The following MLLT3 variants were observed in gnomAD, a reference collection of about 807,000 sequenced individuals.
MLLT3 encodes the protein MLLT3 super elongation complex subunit, also known as protein AF-9.
MLLT3 carries 4 observed loss-of-function variants against 53.2 expected under a neutral mutation model. The ratio of observed to expected loss-of-function variants is 0.08; its 90% CI spans 0.04 to 0.17. MLLT3 has a LOEUF of 0.17. Ranked by LOEUF, MLLT3 falls within the 10% of genes least tolerant of loss-of-function variation. MLLT3 has a pLI of 1.00. For missense variants in MLLT3, 569 were observed against 684.0 expected, an observed-to-expected ratio of 0.83 and a Z score of 1.87; for synonymous variants, 283 against 230.6, an observed-to-expected ratio of 1.23 and a Z score of -2.06.
At chr9:20,444,115 A>T (rs2118839752) in intron 4 of MLLT3, among the ~76,000 whole-genome samples, 1 of 152,284 alleles carries the variant, frequency 6.6e-6, no homozygotes, top group Non-Finnish European at 1.5e-5. Flanking sequence ...TAGATGACAA[A>T]CTCTTCTGCA....
chr9:20,363,442 T>C (rs1303483280), intron 7 of MLLT3, 34 bp downstream of exon 7: 2 of 1,610,670 alleles, frequency 1.2e-6, no homozygotes, highest in Non-Finnish European at 1.7e-6. Flanking sequence ...TCTGACTTCA[T>C]CACAGGCAAC....
chr9:20,616,993 A>G (rs890495222), intron 2 of MLLT3, among the ~76,000 whole-genome samples: 1 of 152,208 alleles, frequency 6.6e-6, no homozygotes, highest in African/African-American at 2.4e-5. Context: ...ACAGAATATG[A>G]GATTTCCACC....
intron 2 of MLLT3, among the ~76,000 whole-genome samples, chr9:20,557,072 G>A (rs1456550357): frequency 6.6e-6 from 1 of 152,080 alleles, no homozygotes; most frequent in African/African-American, 2.4e-5. Flanking sequence ...TCCTCGGTTT[G>A]CACCTGCAGT....
intron 2 of MLLT3, among the ~76,000 whole-genome samples, chr9:20,462,042 T>C (rs925676292): frequency 1.3e-5 from 2 of 152,142 alleles, no homozygotes; most frequent in Non-Finnish European, 2.9e-5. Context: ...GTTCAGCCCA[T>C]CTCTCCGCAC....
chr9:20,412,928 C>A (rs1354443775), intron 5 of MLLT3, among the ~76,000 whole-genome samples: 1 of 152,154 alleles, frequency 6.6e-6, no homozygotes, highest in Non-Finnish European at 1.5e-5. Context: ...CCTTCCACTG[C>A]TGAAAATCTG....
At chr9:20,431,765 C>G (rs554663857) in intron 4 of MLLT3, among the ~76,000 whole-genome samples, 33 of 152,024 alleles carry the variant, frequency 2.2e-4, no homozygotes, top group Non-Finnish European at 1.3e-4. Flanking sequence ...AATGAATACA[C>G]AACTCATGAT....
chr9:20,435,574 G>C lies in MLLT3; in HGVS notation c.420+12549C>G, dbSNP rs968658035. On this transcript the variant is annotated intron_variant, in intron 4 of 10. Coordinates refer to ENST00000380338, the MANE Select transcript of MLLT3 (RefSeq NM_004529.4). ...GTCCTCCAGATAAGGCAAGCACTAA[G>C]CTAAAAAATGCCTCTTGGAAGGACA... Among the ~76,000 whole-genome samples, 3 of 152,190 alleles carry C rather than the reference G, an allele frequency of 2.0e-5. No homozygotes were observed. In the South Asian group the frequency reaches 6.2e-4, roughly 32 times the overall value.
intron 5 of MLLT3, among the ~76,000 whole-genome samples, chr9:20,390,690 T>C (rs576151011): frequency 1.3e-5 from 2 of 152,192 alleles, no homozygotes; most frequent in Non-Finnish European, 2.9e-5. Flanking sequence ...AACTACAACT[T>C]CTCCAAAATA....
chr9:20,562,033 T>C (rs1819229358), intron 2 of MLLT3, among the ~76,000 whole-genome samples: 2 of 152,054 alleles, frequency 1.3e-5, no homozygotes, highest in Admixed American at 1.3e-4. Flanking sequence ...TCAGACACAA[T>C]AATTTAAATA....
intron 2 of MLLT3, among the ~76,000 whole-genome samples, chr9:20,558,816 T>C (rs919847518): frequency 6.6e-6 from 1 of 152,230 alleles, no homozygotes; most frequent in African/African-American, 2.4e-5. Context: ...TTGGCATCAT[T>C]TGCATCAGCA....
chr9:20,395,201 CT>C (rs1198818069), intron 5 of MLLT3, among the ~76,000 whole-genome samples: 1 of 152,174 alleles, frequency 6.6e-6, no homozygotes, highest in Non-Finnish European at 1.5e-5. Context: ...CTGACATCTG[CT>C]TAATCTTCTC....
chr9:20,437,146 A>T (rs1823426690), intron 4 of MLLT3, among the ~76,000 whole-genome samples: 1 of 152,162 alleles, frequency 6.6e-6, no homozygotes, highest in Non-Finnish European at 1.5e-5. Flanking sequence ...CAGTATGCAG[A>T]AAATTGAGCA....
At chr9:20,385,117 C>G (rs1254007268) in intron 5 of MLLT3, among the ~76,000 whole-genome samples, 1 of 152,020 alleles carries the variant, frequency 6.6e-6, no homozygotes, top group Non-Finnish European at 1.5e-5. Context: ...AATCTCTAAC[C>G]GATTAACATA....
chr9:20,533,078 TA>T, intron 2 of MLLT3: 1 of 249,812 alleles, frequency 4.0e-6, no homozygotes, highest in Non-Finnish European at 7.9e-6. Context: ...CCCTGTGTCG[TA>T]AAATGGGGGT....
Position 20,516,060 on chromosome 9 carries a change from G to T in MLLT3, c.194-59274C>A, listed in dbSNP as rs186430751. Among the ~76,000 whole-genome samples the T allele has an allele frequency of 1.7e-3, 262 of 152,246 alleles. 1 individual carries two copies. The highest frequency in any genetic ancestry group is 3.4e-3 in the Middle Eastern group (1 of 294). ...CAGAAGCAAAGCCAGTTAAGTAAGA[G>T]ATATCTAGATGTCAGCCATAAACCC... is the stretch of plus-strand genomic sequence containing the variant. On this transcript the variant is annotated intron_variant, in intron 2 of 10. Transcript: ENST00000380338.
chr9:20,367,420 C>G (rs1367937006), intron 5 of MLLT3, among the ~76,000 whole-genome samples: 1 of 152,168 alleles, frequency 6.6e-6, no homozygotes, highest in Non-Finnish European at 1.5e-5. Flanking sequence ...TCCTCTTGTA[C>G]TTAGCATAAT....
rs775827272 is a variant in MLLT3, at chr9:20,346,581, G to A, written c.1576-7C>T. The A allele has an allele frequency of 7.5e-6, 12 of 1,609,842 alleles. No homozygotes were observed. The highest frequency in any genetic ancestry group is 6.7e-5 in the East Asian group (3 of 44,816). Reference sequence around the variant, plus strand: ...CTTCTATAAGGTTCACGATCTAGAGGAGTGAAGAAGAGAAAGTTTGGGCAA... The same window carrying A: ...CTTCTATAAGGTTCACGATCTAGAGAAGTGAAGAAGAGAAAGTTTGGGCAA... On this transcript the variant is annotated splice_polypyrimidine_tract_variant and splice_region_variant and intron_variant, in intron 10 of 10. Coordinates refer to ENST00000380338, the MANE Select transcript of MLLT3 (RefSeq NM_004529.4).
intron 2 of MLLT3, among the ~76,000 whole-genome samples, chr9:20,586,767 A>G (rs535091254): frequency 4.6e-5 from 7 of 152,138 alleles, no homozygotes; most frequent in South Asian, 2.1e-4. Flanking sequence ...TGGTTAGGGA[A>G]GTGGGGAAAT....
intron 2 of MLLT3, among the ~76,000 whole-genome samples, chr9:20,531,614 T>G (rs1348886615): frequency 1.3e-5 from 2 of 152,200 alleles, no homozygotes; most frequent in Non-Finnish European, 2.9e-5. Flanking sequence ...CAACTGTTTC[T>G]ATTTCCACAC....
Sources: gnomAD v4.1 joint callset for allele counts (sites outside exome capture counted in the v4.1 genomes callset) on GRCh38, gnomAD v4.1.1 for gene constraint, MANE v1.5 for transcripts, NCBI Gene and HGNC (gene_info 2026-07-23, HGNC 2026-07-21) for gene names.